Variants in RC3H2 observed in about 807,000 individuals in gnomAD.
RC3H2 encodes the protein roquin-2.
RC3H2 carries 31 observed loss-of-function variants against 133.3 expected under a neutral mutation model. The ratio of observed to expected loss-of-function variants is 0.23; its 90% CI spans 0.17 to 0.31. RC3H2 has a LOEUF of 0.31. Ranked by LOEUF, RC3H2 falls within the 10% of genes least tolerant of loss-of-function variation. RC3H2 has a pLI of 1.00. For synonymous variants in RC3H2, 517 were observed against 502.2 expected (o/e 1.03, Z -0.40); for missense variants, 1,175 against 1,437.2 (o/e 0.82, Z 2.95).
intron 9 of RC3H2, among the ~76,000 whole-genome samples, chr9:122,876,520 C>G (rs140276728): frequency 2.0e-5 from 3 of 151,274 alleles, no homozygotes; most frequent in Non-Finnish European, 4.4e-5. Context: ...TCCAGCTACT[C>G]GGGAGGCTGA....
At position 122,858,011 on chromosome 9, in the gene RC3H2, T is replaced by A. The variant is rs1342051572; in HGVS notation, c.2366A>T (p.Lys789Ile). ...AAGAGTTGAAGAGACAAGAGGTGCT[T>A]TCTGAGTGTGGTACTGTGCCCACTG... ...PDQWAQYHTQ[K>I]APLVSSTLPV... is the part of the protein sequence containing the mutation. Residue 789 changes from lysine to isoleucine, a missense_variant, in exon 13 of 21, where the codon AAA becomes ATA. By Grantham distance (102) the Lys-to-Ile change is moderately radical (BLOSUM62 -3). Coordinates refer to ENST00000357244, the MANE Select transcript of RC3H2 (RefSeq NM_001100588.3). The A allele has an allele frequency of 6.2e-7, 1 of 1,614,080 alleles. No individual in the cohort carries two copies. The highest frequency in any genetic ancestry group is 8.5e-7 in the Non-Finnish European group (1 of 1,180,016).
At chr9:122,892,439 C>T (rs2131491957) in intron 3 of RC3H2, among the ~76,000 whole-genome samples, 1 of 151,980 alleles carries the variant, frequency 6.6e-6, no homozygotes, top group East Asian at 1.9e-4. Context: ...TTGAGACAGT[C>T]TTGCTCTGTC....
intron 9 of RC3H2, chr9:122,874,007 C>T (rs1314248015): frequency 5.9e-5 from 9 of 151,950 alleles, no homozygotes; most frequent in Admixed American, 5.9e-4. Context: ...TTTTAAACTA[C>T]TATGTATGGA....
intron 20 of RC3H2, among the ~76,000 whole-genome samples, chr9:122,850,250 CA>C (rs1161727243): frequency 2.0e-5 from 3 of 151,994 alleles, no homozygotes; most frequent in African/African-American, 7.3e-5. Context: ...GCTGGGATTA[CA>C]GGTGTGAGCC....
chr9:122,896,982 C>G (rs1284300542), intron 2 of RC3H2, among the ~76,000 whole-genome samples: 1 of 139,104 alleles, frequency 7.2e-6, no homozygotes, highest in Non-Finnish European at 1.5e-5. Flanking sequence ...GCCCAGATCA[C>G]GCCACTGCAC....
At chr9:122,875,651 G>A (rs1185349680) in intron 9 of RC3H2, among the ~76,000 whole-genome samples, 1 of 152,224 alleles carries the variant, frequency 6.6e-6, no homozygotes. Context: ...AGTATGAAGT[G>A]TCAGGGGAAT....
intron 4 of RC3H2, among the ~76,000 whole-genome samples, chr9:122,888,292 T>C (rs1041160594): frequency 1.3e-5 from 2 of 152,174 alleles, no homozygotes; most frequent in African/African-American, 2.4e-5. Context: ...GCTACCAACT[T>C]GTTTTAGCTT....
At chr9:122,875,033 C>T in intron 9 of RC3H2, 1 of 904,418 alleles carries the variant, frequency 1.1e-6, no homozygotes, top group South Asian at 3.7e-5. Flanking sequence ...AAAAGCTCCC[C>T]TTTTAGCTAA....
At chr9:122,880,297 A>G in intron 6 of RC3H2, 172 bp from the exon 7 acceptor site, 1 of 856,110 alleles carries the variant, frequency 1.2e-6, no homozygotes, top group Non-Finnish European at 2.0e-6. Flanking sequence ...TATGAAATTC[A>G]TCATTAGACA....
chr9:122,866,908 C>A (rs911557808), intron 9 of RC3H2, among the ~76,000 whole-genome samples: 19 of 149,410 alleles, frequency 1.3e-4, no homozygotes, highest in Non-Finnish European at 2.7e-4. Flanking sequence ...GCTGCCCAGT[C>A]TGGAAAGTGA....
rs1829868888 is a variant in RC3H2, at chr9:122,846,403, G to A, written c.*3224C>T. On this transcript the variant is annotated 3_prime_UTR_variant, in exon 21 of 21. Transcript: ENST00000357244. ...TGACACTGGTTTATCACATGGCATT[G>A]AAAATAAGACGTGGCAGCAAAGGCA... 6.6e-6 allele frequency: 1 copy of A among 152,106 alleles called. No homozygotes were observed. The highest frequency in any genetic ancestry group is 2.1e-4 in the South Asian group (1 of 4,834). 9.4% of individuals were successfully genotyped at this position (152,106 alleles called of 1,614,324 possible).
chr9:122,878,362 G>C (rs1038176502), intron 8 of RC3H2, among the ~76,000 whole-genome samples: 2 of 152,014 alleles, frequency 1.3e-5, no homozygotes, highest in African/African-American at 4.8e-5. Flanking sequence ...CACTTCCCGG[G>C]TTCAGGCCAT....
chr9:122,852,229 C>T (rs1264336864), intron 18 of RC3H2, among the ~76,000 whole-genome samples: 1 of 150,992 alleles, frequency 6.6e-6, no homozygotes, highest in African/African-American at 2.4e-5. Flanking sequence ...CCCGGCCGCC[C>T]CGTCTGAGAA....
At chr9:122,855,657 A>G (rs1830215235) in intron 14 of RC3H2, 75 bp downstream of exon 14, 1 of 1,468,974 alleles carries the variant, frequency 6.8e-7, no homozygotes, top group African/African-American at 1.4e-5. Flanking sequence ...ATGAATAGAA[A>G]ACATTCATTC....
chr9:122,875,118 G>T, intron 9 of RC3H2: 1 of 1,430,314 alleles, frequency 7.0e-7, no homozygotes, highest in Non-Finnish European at 9.2e-7. Context: ...GTGAAATTCT[G>T]TATATAGAAC....
intron 18 of RC3H2, among the ~76,000 whole-genome samples, chr9:122,852,029 C>T (rs1163051716): frequency 2.0e-5 from 3 of 151,022 alleles, no homozygotes; most frequent in Non-Finnish European, 3.0e-5. Flanking sequence ...TCTGCCCGGC[C>T]GCCATCCCAT....
In RC3H2 at chr9:122,905,323, C is replaced by G; in HGVS notation, c.-281G>C. On this transcript the variant is annotated 5_prime_UTR_variant, in exon 1 of 21. Coordinates refer to ENST00000357244, the MANE Select transcript of RC3H2 (RefSeq NM_001100588.3). ...CTCCCTCCACCTCCGCCTCCTCCTC[C>G]TCCTCCTCCTCACCACGGAGGCGGA... 2 of 982,346 alleles carry G rather than the reference C, an allele frequency of 2.0e-6. No individual in the cohort carries two copies. The highest frequency in any genetic ancestry group is 2.4e-6 in the Non-Finnish European group (2 of 826,870). The allele number at this position is 982,346 out of a possible 1,614,324, so 60.9% of individuals were successfully genotyped here.
intron 4 of RC3H2, among the ~76,000 whole-genome samples, chr9:122,886,726 A>C (rs1172879871): frequency 6.6e-6 from 1 of 152,242 alleles, no homozygotes; most frequent in African/African-American, 2.4e-5. Context: ...AAGTGGGTAT[A>C]AACAAGTATG....
chr9:122,885,055 T>G (rs1469591294), intron 4 of RC3H2, among the ~76,000 whole-genome samples: 1 of 152,126 alleles, frequency 6.6e-6, no homozygotes, highest in Non-Finnish European at 1.5e-5. Flanking sequence ...TTTGGAATAG[T>G]TGACAAAACT....
Sources: allele counts gnomAD v4.1 joint callset (sites outside exome capture counted in the v4.1 genomes callset), GRCh38; gene constraint gnomAD v4.1.1; transcripts MANE v1.5; gene names NCBI Gene and HGNC (gene_info 2026-07-23, HGNC 2026-07-21).